ANO4: variants seen among roughly 807,000 people sequenced by gnomAD.
ANO4 encodes the protein anoctamin 4.
In ANO4, 69 loss-of-function variants were observed where a neutral mutation model predicts 141.9. That is an observed-to-expected ratio of 0.49 (90% CI 0.40 to 0.59). ANO4 has a LOEUF of 0.59. Among genes scored for constraint, ANO4 ranks in the 20% least tolerant of loss-of-function variants. The pLI, the probability that ANO4 is intolerant of heterozygous loss-of-function variation, is 0.00. For missense variants in ANO4, 894 were observed against 1,162.2 expected (o/e 0.77, Z 3.36); for synonymous variants, 350 against 394.3 (o/e 0.89, Z 1.33).
intron 1 of ANO4, among the ~76,000 whole-genome samples, chr12:100,723,565 A>G (rs1593227774): frequency 6.6e-6 from 1 of 152,324 alleles, no homozygotes; most frequent in African/African-American, 2.4e-5. Flanking sequence ...GGTCTTGAAT[A>G]TTAACTTTTT....
At chr12:100,960,021 C>T (rs1044018374) in intron 5 of ANO4, among the ~76,000 whole-genome samples, 10 of 152,100 alleles carry the variant, frequency 6.6e-5, no homozygotes, top group African/African-American at 2.2e-4. Flanking sequence ...AAGCTGCATC[C>T]AGACACCTGC....
chr12:100,944,898 T>G (rs2042662723), intron 5 of ANO4, among the ~76,000 whole-genome samples: 2 of 152,152 alleles, frequency 1.3e-5, no homozygotes, highest in African/African-American at 4.8e-5. Flanking sequence ...ATTATTAAAT[T>G]TAGAAACCGT....
intron 1 of ANO4, among the ~76,000 whole-genome samples, chr12:100,880,912 C>T (rs760127597): frequency 3.9e-5 from 6 of 152,132 alleles, no homozygotes; most frequent in Non-Finnish European, 8.8e-5. Flanking sequence ...ATATTTTCAT[C>T]TAGTGTACTC....
intron 14 of ANO4, among the ~76,000 whole-genome samples, chr12:101,073,571 TAATAATA>T (rs2048909985): frequency 8.4e-6 from 1 of 118,982 alleles, no homozygotes; most frequent in Admixed American, 8.1e-5. Context: ...TAAAGTATAA[TAATAATA>T]ATAATAATAA....
intron 5 of ANO4, among the ~76,000 whole-genome samples, chr12:100,959,037 T>C (rs191071442): frequency 6.6e-6 from 1 of 152,132 alleles, no homozygotes; most frequent in East Asian, 1.9e-4. Context: ...CCACTGTTAC[T>C]TCACACTGCC....
chr12:100,840,357 C>T (rs1203183180), intron 1 of ANO4, among the ~76,000 whole-genome samples: 2 of 151,976 alleles, frequency 1.3e-5, no homozygotes, highest in Non-Finnish European at 2.9e-5. Context: ...GGTAGTAATC[C>T]TACCATCTAT....
chr12:101,104,842 T>G (rs1023920032), intron 22 of ANO4, among the ~76,000 whole-genome samples: 2 of 151,740 alleles, frequency 1.3e-5, no homozygotes, highest in Non-Finnish European at 2.9e-5. Context: ...ATTGTGCCTC[T>G]TATCTACTAG....
At chr12:101,000,420 G>A (rs1350215558) in intron 8 of ANO4, among the ~76,000 whole-genome samples, 5 of 152,096 alleles carry the variant, frequency 3.3e-5, no homozygotes, top group African/African-American at 4.8e-5. Flanking sequence ...CTGTATTTTT[G>A]TTTCAAAGAA....
intron 1 of ANO4, among the ~76,000 whole-genome samples, chr12:100,877,459 AT>A (rs1565961645): frequency 1.3e-5 from 2 of 151,462 alleles, no homozygotes; most frequent in African/African-American, 4.8e-5. Flanking sequence ...AGCAGAGTCT[AT>A]GGGTTCCAGA....
chr12:100,901,323 A>C (rs2040582422), intron 1 of ANO4, among the ~76,000 whole-genome samples: 1 of 152,184 alleles, frequency 6.6e-6, no homozygotes, highest in African/African-American at 2.4e-5. Context: ...TTGTGGAGAA[A>C]GTTCTTGATT....
At chr12:100,725,835 T>C (rs2031092213) in intron 1 of ANO4, among the ~76,000 whole-genome samples, 1 of 152,228 alleles carries the variant, frequency 6.6e-6, no homozygotes, top group Non-Finnish European at 1.5e-5. Flanking sequence ...CTTCTTGGGC[T>C]AGACTCATGT....
intron 1 of ANO4, among the ~76,000 whole-genome samples, chr12:100,795,355 T>C (rs2034242982): frequency 6.6e-6 from 1 of 152,158 alleles, no homozygotes; most frequent in African/African-American, 2.4e-5. Context: ...ACTGACAAAT[T>C]TGGGCAGGAT....
intron 8 of ANO4, among the ~76,000 whole-genome samples, chr12:101,018,529 T>C (rs911224656): frequency 1.3e-5 from 2 of 152,224 alleles, no homozygotes; most frequent in African/African-American, 4.8e-5. Flanking sequence ...TTTCCAGCCC[T>C]GTTTCCAAAC....
At chr12:100,775,830 T>C (rs1259858318) in intron 3 of ANO4, among the ~76,000 whole-genome samples, 1 of 152,028 alleles carries the variant, frequency 6.6e-6, no homozygotes, top group Non-Finnish European at 1.5e-5. Context: ...TTTTTATTTG[T>C]ATGTTTGTTT....
rs1386374329 is a variant in ANO4, at chr12:101,090,646, T to C, written c.1702-3610T>C. On this transcript the variant is annotated intron_variant, in intron 17 of 27. Transcript: ENST00000392977. ...ATAGCATTAGGAGATATACCTAATGTAAATGACGAGTTAACGGGTGCAGCA... is the reference window on the plus strand; with the variant it reads ...ATAGCATTAGGAGATATACCTAATGCAAATGACGAGTTAACGGGTGCAGCA... 2.0e-5 allele frequency among the ~76,000 whole-genome samples: 3 copies of C among 152,132 alleles called. No homozygotes were observed. The East Asian group carries it at 5.8e-4, about 29-fold the overall frequency.
At chr12:100,886,149 T>TA (rs1424086799) in intron 1 of ANO4, among the ~76,000 whole-genome samples, 1 of 152,194 alleles carries the variant, frequency 6.6e-6, no homozygotes, top group Non-Finnish European at 1.5e-5. Context: ...CTATGACCGT[T>TA]ACCCTGATTT....
intron 3 of ANO4, among the ~76,000 whole-genome samples, chr12:100,781,516 CT>C (rs2033710557): frequency 6.6e-6 from 1 of 152,182 alleles, no homozygotes; most frequent in South Asian, 2.1e-4. Context: ...TATACCTTGT[CT>C]AGTCTGATTT....
At chr12:100,999,538 A>G (rs568125489) in intron 8 of ANO4, among the ~76,000 whole-genome samples, 1 of 152,264 alleles carries the variant, frequency 6.6e-6, no homozygotes, top group African/African-American at 2.4e-5. Context: ...CCTCTTTGCC[A>G]TATTGCTTAA....
intron 3 of ANO4, among the ~76,000 whole-genome samples, chr12:100,937,959 A>G (rs2042354026): frequency 2.0e-5 from 3 of 152,164 alleles, no homozygotes; most frequent in African/African-American, 4.8e-5. Flanking sequence ...CCATTTTAAG[A>G]TCCTTTGTTT....
Sources: gnomAD v4.1 joint callset for allele counts (sites outside exome capture counted in the v4.1 genomes callset) on GRCh38, gnomAD v4.1.1 for gene constraint, MANE v1.5 for transcripts, NCBI Gene and HGNC (gene_info 2026-07-23, HGNC 2026-07-21) for gene names.